Variants in FER1L6 observed in about 807,000 individuals in gnomAD.
FER1L6 encodes the protein fer-1-like protein 6.
FER1L6 carries 177 observed loss-of-function variants against 219.2 expected under a neutral mutation model. The ratio of observed to expected loss-of-function variants is 0.81; its 90% CI spans 0.71 to 0.91. The LOEUF is 0.91. Among genes scored for constraint, FER1L6 ranks in the 40% least tolerant of loss-of-function variants. The pLI, the probability that FER1L6 is intolerant of heterozygous loss-of-function variation, is 0.00. For synonymous variants in FER1L6, 768 were observed against 824.3 expected (o/e 0.93, Z 1.17); for missense variants, 2,153 against 2,259.9 (o/e 0.95, Z 0.96).
At position 124,064,368 on chromosome 8, in the gene FER1L6, C is replaced by A. The variant is rs867480498; in HGVS notation, c.3350C>A (p.Ala1117Asp). 6.2e-7 allele frequency: 1 copy of A among 1,612,704 alleles called. No individual in the cohort carries two copies. The highest frequency in any genetic ancestry group is 1.1e-5 in the South Asian group (1 of 90,726). ...TCAGATATTTCAGATTCGCTAACAG[C>A]CACTGAGTCCTCTGGAGCCCACAGC... ...PGHDISDSLT[A>D]TESSGAHSSS... is the part of the protein sequence containing the mutation. The change falls in exon 26 of 41, where the codon GCC becomes GAC. Residue 1117 changes from alanine (A) to aspartate (D), a missense_variant. Ala to Asp is a moderately radical substitution (Grantham distance 126). Transcript: ENST00000522917.
intron 33 of FER1L6, among the ~76,000 whole-genome samples, chr8:124,088,755 AT>A (rs1293243496): frequency 6.6e-6 from 1 of 152,106 alleles, no homozygotes; most frequent in East Asian, 1.9e-4. Context: ...CCCTCAAGGC[AT>A]CACGTTCCCT....
At position 124,002,633 on chromosome 8, in the gene FER1L6, G is replaced by C. The variant is rs1456949901; in HGVS notation, c.1520-534G>C. 6.6e-5 allele frequency among the ~76,000 whole-genome samples: 10 copies of C among 151,828 alleles called. No individual in the cohort carries two copies. The East Asian group carries it at 1.2e-3, about 18-fold the overall frequency. On this transcript the variant is annotated intron_variant, in intron 12 of 40. Coordinates refer to ENST00000522917, the MANE Select transcript of FER1L6 (RefSeq NM_001039112.2). ...TTATAGCACAAAAGCTGCCCTATTT[G>C]TAGGGGAAAAAATGATGTTTTCCTT...
intron 18 of FER1L6, 112 bp downstream of exon 18, chr8:124,023,708 TAGG>T: frequency 8.7e-7 from 1 of 1,143,486 alleles, no homozygotes; most frequent in Admixed American, 2.6e-5. Flanking sequence ...CTTTCAAAGG[TAGG>T]AGGACAACTA....
intron 1 of FER1L6, among the ~76,000 whole-genome samples, chr8:123,887,387 A>G (rs908684958): frequency 3.9e-5 from 6 of 152,206 alleles, no homozygotes; most frequent in African/African-American, 1.4e-4. Context: ...CCATGGGCTG[A>G]GTGTCTCAGA....
chr8:123,881,889 T>C (rs896130209), intron 1 of FER1L6, among the ~76,000 whole-genome samples: 1 of 152,176 alleles, frequency 6.6e-6, no homozygotes, highest in African/African-American at 2.4e-5. Context: ...ATGGAGCTCA[T>C]CTAAAGCTGC....
chr8:124,086,591 T>A (rs905379563), intron 33 of FER1L6, among the ~76,000 whole-genome samples: 2 of 152,240 alleles, frequency 1.3e-5, no homozygotes, highest in Non-Finnish European at 2.9e-5. Flanking sequence ...TTGGTTCATA[T>A]GTTCATCTTT....
At chr8:123,927,575 A>G (rs998183602) in intron 1 of FER1L6, among the ~76,000 whole-genome samples, 1 of 152,314 alleles carries the variant, frequency 6.6e-6, no homozygotes, top group Non-Finnish European at 1.5e-5. Context: ...CTGAGTTTTG[A>G]AAACCTTTAC....
rs997497694 is a variant in FER1L6 at position 123,893,594 on chromosome 8, A to G, written c.-8+41409A>G. Among the ~76,000 whole-genome samples, 131 of 152,158 alleles carry G rather than the reference A, an allele frequency of 8.6e-4. 1 individual carries two copies. Among genetic ancestry groups the G allele is most frequent in the Non-Finnish European group, 1.5e-5 (1 of 68,026 alleles). On this transcript the variant is annotated intron_variant, in intron 1 of 40. Transcript: ENST00000522917. ...TGTAAACTATTTATGAATATTCCTA[A>G]TTCATGGCAATGTGTTTATTTGCAT...
chr8:124,017,635 A>C lies in FER1L6; in HGVS notation c.1930A>C (p.Ile644Leu). The stretch of plus-strand genomic sequence containing the variant: ...GTTATTCTTTTCTTATAGTGCCTTT[A>C]TCTCTGAAGCAGAAAAAAAGCCCAA... ...SDFISRSSAF[I>L]SEAEKKPKML... The change falls in exon 16 of 41, where the codon ATC (isoleucine) becomes CTC (leucine). Residue 644 changes from isoleucine (I) to leucine (L), a missense_variant. Physicochemically the swap from Ile to Leu is conservative, Grantham distance 5 (BLOSUM62 2). Transcript: ENST00000522917. The C allele has an allele frequency of 6.2e-7, 1 of 1,611,572 alleles. No individual in the cohort carries two copies. Among genetic ancestry groups the C allele is most frequent in the South Asian group, 1.1e-5 (1 of 90,870 alleles).
intron 1 of FER1L6, among the ~76,000 whole-genome samples, chr8:123,929,869 A>G (rs1813702990): frequency 6.6e-6 from 1 of 152,074 alleles, no homozygotes; most frequent in African/African-American, 2.4e-5. Context: ...CCCCTTAGTG[A>G]TACCACAGTC....
intron 1 of FER1L6, among the ~76,000 whole-genome samples, chr8:123,952,171 T>G (rs569500831): frequency 6.6e-6 from 1 of 152,268 alleles, no homozygotes; most frequent in South Asian, 2.1e-4. Flanking sequence ...GAACTAACCT[T>G]ATGGCCACTT....
At chr8:124,079,566 T>C (rs1275885999) in intron 32 of FER1L6, among the ~76,000 whole-genome samples, 1 of 152,192 alleles carries the variant, frequency 6.6e-6, no homozygotes, top group Non-Finnish European at 1.5e-5. Flanking sequence ...GTGAGTAGAT[T>C]GCAAATGTTT....
At position 123,970,047 on chromosome 8, in the gene FER1L6, G is replaced by A. The variant is rs775510147; in HGVS notation, c.397G>A (p.Asp133Asn). ...TTTTGTTTTGCAGTACTTTGTCTTC[G>A]ACTTCATTGGGCCCCAAGTGCATCT... The part of the protein sequence containing the change: ...SPFYNEYFVF[D>N]FIGPQVHLFD... The change falls in exon 6 of 41, where the codon GAC becomes AAC. Residue 133 changes from aspartate (D) to asparagine (N), a missense_variant. Transcript: ENST00000522917. The A allele has an allele frequency of 9.3e-6, 15 of 1,613,826 alleles. No individual in the cohort carries two copies. In the East Asian group the frequency reaches 1.3e-4, roughly 14 times the overall value.
intron 39 of FER1L6, among the ~76,000 whole-genome samples, chr8:124,114,895 GTATATATATATATATA>G (rs71289637): frequency 0.017 from 1,512 of 90,070 alleles, 51 homozygotes; most frequent in African/African-American, 0.053. Flanking sequence ...GTGTGTGTGC[GTATATATATATATATA>G]TATATATATA....
intron 1 of FER1L6, among the ~76,000 whole-genome samples, chr8:123,920,537 G>A (rs147464127): frequency 2.9e-3 from 444 of 152,320 alleles, no homozygotes; most frequent in African/African-American, 4.5e-3. Flanking sequence ...GCCAGAGCTC[G>A]GCCAGGAGGG....
intron 38 of FER1L6, among the ~76,000 whole-genome samples, chr8:124,101,825 T>G (rs1586341974): frequency 6.6e-6 from 1 of 152,200 alleles, no homozygotes; most frequent in Non-Finnish European, 1.5e-5. Context: ...TGATGACATG[T>G]GTCCAAAGTG....
chr8:124,014,158 C>A (rs1048285195), intron 15 of FER1L6: 51 of 152,508 alleles, frequency 3.3e-4, no homozygotes, highest in East Asian at 3.9e-4. Context: ...TTACCCAGTG[C>A]AGTACAGAAG....
chr8:124,009,926 A>G (rs955766615), intron 13 of FER1L6, among the ~76,000 whole-genome samples: 1 of 150,816 alleles, frequency 6.6e-6, no homozygotes. Flanking sequence ...GTCTTGTTCT[A>G]GTTTGAGGGT....
Position 124,020,713 on chromosome 8 carries a change from C to A in FER1L6, c.2014-837C>A, listed in dbSNP as rs531478016. Among the ~76,000 whole-genome samples, 5 of 152,162 alleles carry A rather than the reference C, an allele frequency of 3.3e-5. No individual in the cohort carries two copies. The East Asian group carries it at 9.6e-4, about 29-fold the overall frequency. The stretch of plus-strand genomic sequence containing the variant: ...CTCTGGCTCTGCCATTCAGTAGCTG[C>A]GTTACTGCTTCCTCAGCTGTAAAAT... On this transcript the variant is annotated intron_variant, in intron 16 of 40. Coordinates refer to ENST00000522917, the MANE Select transcript of FER1L6 (RefSeq NM_001039112.2).
Sources: gnomAD v4.1 joint callset for allele counts (sites outside exome capture counted in the v4.1 genomes callset) on GRCh38, gnomAD v4.1.1 for gene constraint, MANE v1.5 for transcripts, NCBI Gene and HGNC (gene_info 2026-07-23, HGNC 2026-07-21) for gene names.